The following ANK3 variants were observed in gnomAD, a reference collection of about 807,000 sequenced individuals.
The protein encoded by ANK3 is ankyrin-3.
A neutral mutation model predicts 370.9 loss-of-function variants in ANK3; 57 were observed. The observed-to-expected ratio is 0.15, with a 90% CI of 0.12 to 0.19. The LOEUF is 0.19. Among genes scored for constraint, ANK3 ranks in the 10% least tolerant of loss-of-function variants. The pLI is 1.00. For missense variants in ANK3, 4,439 were observed against 5,302.1 expected, an observed-to-expected ratio of 0.84 and a Z score of 5.06; for synonymous variants, 1,929 against 1,946.3, an observed-to-expected ratio of 0.99 and a Z score of 0.23.
chr10:60,532,112 G>A (rs2076618803), intron 2 of ANK3, among the ~76,000 whole-genome samples: 1 of 152,172 alleles, frequency 6.6e-6, no homozygotes, highest in South Asian at 2.1e-4. Context: ...CACAGCCAGA[G>A]CTTAGGAACC....
chr10:60,477,524 C>G lies in ANK3; in HGVS notation c.96+137662G>C, dbSNP rs1339686110. ...TGACAGACAGACAGACATACACACA[C>G]ACACACACACACACACACACACACA... On this transcript the variant is annotated intron_variant, in intron 2 of 43. Transcript: ENST00000373827. 4.9e-5 allele frequency among the ~76,000 whole-genome samples: 6 copies of G among 122,720 alleles called. No homozygotes were observed. In the East Asian group the frequency reaches 1.0e-3, roughly 21 times the overall value. The allele number at this position is 122,720 out of a possible 152,430, so 80.5% of individuals were successfully genotyped here. A position where few individuals can be genotyped will look rare whatever the true frequency, so the allele number is the denominator to read the frequency against.
At position 60,279,100 on chromosome 10, in the gene ANK3, C is replaced by T. The variant is rs759345233; in HGVS notation, c.265G>A (p.Val89Ile). The change falls in exon 3 of 44, where the codon GTT becomes ATT. Residue 89 changes from valine (V) to isoleucine (I), a missense_variant. Around this residue, in one of 13 missense-constraint regions of ANK3, gnomAD observed 136 missense variants for 230.5 expected, o/e 0.59. Coordinates refer to ENST00000280772, the MANE Select transcript of ANK3 (RefSeq NM_020987.5). ...TCTCTCTGCAGCAGCTCAGAAACAACCTCTACATGGCCTTCTTTGGAAGCA... is the reference window on the plus strand; with the variant it reads ...TCTCTCTGCAGCAGCTCAGAAACAATCTCTACATGGCCTTCTTTGGAAGCA... ...HLASKEGHVE[V>I]VSELLQREAN... The T allele has an allele frequency of 3.7e-6, 6 of 1,613,792 alleles. No homozygotes were observed. The African/African-American group carries it at 8.0e-5, about 22-fold the overall frequency.
chr10:60,147,667 G>A (rs370885806), intron 23 of ANK3, among the ~76,000 whole-genome samples: 2 of 152,092 alleles, frequency 1.3e-5, no homozygotes, highest in African/African-American at 4.8e-5. Context: ...GAGTTATCAT[G>A]AGATGTGGTT....
chr10:60,649,193 C>T (rs1160363607), intron 1 of ANK3, among the ~76,000 whole-genome samples: 3 of 152,062 alleles, frequency 2.0e-5, no homozygotes, highest in African/African-American at 7.2e-5. Context: ...AGTATTCTGA[C>T]ATATGCTCTC....
intron 17 of ANK3, among the ~76,000 whole-genome samples, chr10:60,183,027 C>A (rs2096240876): frequency 6.6e-6 from 1 of 152,184 alleles, no homozygotes; most frequent in Non-Finnish European, 1.5e-5. Flanking sequence ...TACTGAGTAG[C>A]TCTCAGCAAA....
intron 1 of ANK3, among the ~76,000 whole-genome samples, chr10:60,372,611 C>T (rs937538323): frequency 3.3e-5 from 5 of 152,112 alleles, no homozygotes; most frequent in African/African-American, 1.2e-4. Context: ...AGGACATTTC[C>T]AGTCACAGGC....
chr10:60,041,049 T>G (rs372371447), intron 43 of ANK3, among the ~76,000 whole-genome samples: 1 of 152,220 alleles, frequency 6.6e-6, no homozygotes, highest in South Asian at 2.1e-4. Flanking sequence ...TTTTCTCATC[T>G]TGGATCCTTC....
intron 1 of ANK3, among the ~76,000 whole-genome samples, chr10:60,662,032 A>G (rs550435076): frequency 3.5e-4 from 53 of 152,322 alleles, no homozygotes; most frequent in African/African-American, 1.3e-3. Context: ...TTTTAAATCA[A>G]TTTGATGAGA....
At chr10:60,695,345 G>A (rs1288069553) in intron 1 of ANK3, among the ~76,000 whole-genome samples, 2 of 152,034 alleles carry the variant, frequency 1.3e-5, no homozygotes, top group Non-Finnish European at 2.9e-5. Context: ...AGATCAACGA[G>A]ACAGAAAGTC....
At chr10:60,403,121 A>G (rs953037784) in intron 2 of ANK3, among the ~76,000 whole-genome samples, 1 of 152,232 alleles carries the variant, frequency 6.6e-6, no homozygotes, top group Non-Finnish European at 1.5e-5. Flanking sequence ...CTCAAAAAAT[A>G]CAACTTATCA....
At position 60,484,305 on chromosome 10, in the gene ANK3, A is replaced by C. The variant is rs147160027; in HGVS notation, c.96+130881T>G. 3.8e-3 allele frequency among the ~76,000 whole-genome samples: 579 copies of C among 152,318 alleles called. 2 individuals are homozygous for C. The highest frequency in any genetic ancestry group is 0.013 in the African/African-American group (558 of 41,570). ...GTAAAGCTTTATCAAGTTAATTAGT[A>C]AAAGACAGGCACAAATCTAGGGTAT... On this transcript the variant is annotated intron_variant, in intron 2 of 43. Transcript: ENST00000373827.
rs1191715517 is a variant in ANK3 at position 60,063,268 on chromosome 10, A to T, written c.12452-14T>A. 7 of 1,598,746 alleles carry T rather than the reference A, an allele frequency of 4.4e-6. No homozygotes were observed. The Admixed American group carries it at 1.0e-4, about 24-fold the overall frequency. On this transcript the variant is annotated splice_polypyrimidine_tract_variant and intron_variant, in intron 39 of 43. Coordinates refer to ENST00000280772, the MANE Select transcript of ANK3 (RefSeq NM_020987.5). The stretch of plus-strand genomic sequence containing the variant: ...TTAAGGCATCAGCTGAAAAGGAGAA[A>T]AAAAGGTTGAAAACCCAATTAAATT...
intron 8 of ANK3, 73 bp downstream of exon 8, chr10:60,234,615 T>C (rs190797793): frequency 3.1e-5 from 27 of 866,006 alleles, no homozygotes; most frequent in Non-Finnish European, 4.9e-5. Flanking sequence ...GTTGTATCAG[T>C]GCAAAGGTAT....
At chr10:60,633,613 C>T (rs1002071200) in intron 1 of ANK3, among the ~76,000 whole-genome samples, 1 of 152,088 alleles carries the variant, frequency 6.6e-6, no homozygotes, top group South Asian at 2.1e-4. Context: ...TAAATTTTAG[C>T]TGGCCAATCC....
intron 41 of ANK3, among the ~76,000 whole-genome samples, chr10:60,058,186 T>C (rs967011800): frequency 6.6e-6 from 1 of 152,228 alleles, no homozygotes; most frequent in Admixed American, 6.5e-5. Flanking sequence ...AGGAAGGTAG[T>C]AGTATTCTTA....
At chr10:60,198,632 G>A in intron 13 of ANK3, 95 bp from the exon 14 acceptor site, 1 of 1,139,998 alleles carries the variant, frequency 8.8e-7, no homozygotes, top group Non-Finnish European at 1.3e-6. Flanking sequence ...TGATGTAAGA[G>A]GTACAATCAA....
intron 26 of ANK3, among the ~76,000 whole-genome samples, chr10:60,111,301 C>G (rs1565085079): frequency 6.6e-6 from 1 of 152,168 alleles, no homozygotes; most frequent in Non-Finnish European, 1.5e-5. Context: ...GTATAGCACA[C>G]AGTACATGGC....
chr10:60,283,731 A>C (rs116351562), intron 1 of ANK3, among the ~76,000 whole-genome samples: 2,820 of 152,262 alleles, frequency 0.019, 86 homozygotes, highest in African/African-American at 0.063. Flanking sequence ...CTTTACCGGC[A>C]GTGGAATATT....
intron 43 of ANK3, among the ~76,000 whole-genome samples, chr10:60,034,827 A>AGAAATCATG (rs1343836342): frequency 6.6e-6 from 1 of 152,206 alleles, no homozygotes; most frequent in South Asian, 2.1e-4. Flanking sequence ...CTGTAGTTAC[A>AGAAATCATG]GAAATCATGG....
Sources: allele counts gnomAD v4.1 joint callset (sites outside exome capture counted in the v4.1 genomes callset), GRCh38; gene constraint gnomAD v4.1.1; regional missense constraint gnomAD v4.1.1; transcripts MANE v1.5; gene names NCBI Gene and HGNC (gene_info 2026-07-23, HGNC 2026-07-21).